Variants in KHDRBS3 observed in about 807,000 individuals in gnomAD.
KHDRBS3 encodes the protein KH domain-containing, RNA-binding, signal transduction-associated protein 3.
Under a neutral mutation model 45.6 loss-of-function variants are expected in KHDRBS3, and 23 were observed. The observed-to-expected ratio is 0.50, with a 90% CI of 0.36 to 0.72. The LOEUF (loss-of-function observed/expected upper bound fraction) is 0.72. Among genes scored for constraint, KHDRBS3 ranks in the 30% least tolerant of loss-of-function variants. The probability of loss-of-function intolerance (pLI) is 0.00; values close to 1 mark genes in which losing one functional copy is unlikely to be tolerated. For missense variants in KHDRBS3, 352 were observed against 424.8 expected, an observed-to-expected ratio of 0.83 and a Z score of 1.51; for synonymous variants, 162 against 156.5, an observed-to-expected ratio of 1.04 and a Z score of -0.26.
At chr8:135,644,952 G>T in intron 7 of KHDRBS3, 107 bp from the exon 8 acceptor site, 2 of 1,169,810 alleles carry the variant, frequency 1.7e-6, no homozygotes, top group South Asian at 1.4e-5. Flanking sequence ...TGAATTTTCA[G>T]TCTTGCCCTT....
At chr8:135,504,322 C>T (rs1156317926) in intron 1 of KHDRBS3, among the ~76,000 whole-genome samples, 1 of 152,068 alleles carries the variant, frequency 6.6e-6, no homozygotes, top group Non-Finnish European at 1.5e-5. Context: ...CAAAATAGCT[C>T]GTTTAAACGG....
At chr8:135,588,558 G>A (rs971416294) in intron 6 of KHDRBS3, among the ~76,000 whole-genome samples, 2 of 152,048 alleles carry the variant, frequency 1.3e-5, no homozygotes, top group Admixed American at 1.3e-4. Flanking sequence ...TTAATCACAG[G>A]GATGGTTCCC....
At chr8:135,651,578 A>C (rs2131219628), downstream of KHDRBS3, among the ~76,000 whole-genome samples, 1 of 152,230 alleles carries the variant, frequency 6.6e-6, no homozygotes, top group African/African-American at 2.4e-5. Flanking sequence ...ACCATTTTCA[A>C]GTGTAGTATC....
chr8:135,479,596 A>G (rs1232772598), intron 1 of KHDRBS3, among the ~76,000 whole-genome samples: 2 of 152,182 alleles, frequency 1.3e-5, no homozygotes, highest in African/African-American at 4.8e-5. Flanking sequence ...GGCACCTTCT[A>G]TGTGTCCTCA....
At chr8:135,633,173 T>C (rs1830675961) in intron 7 of KHDRBS3, among the ~76,000 whole-genome samples, 1 of 152,228 alleles carries the variant, frequency 6.6e-6, no homozygotes, top group African/African-American at 2.4e-5. Context: ...TTATTAAATA[T>C]GTTTTAAATA....
At chr8:135,577,181 T>G (rs1282160021) in intron 5 of KHDRBS3, among the ~76,000 whole-genome samples, 1 of 152,126 alleles carries the variant, frequency 6.6e-6, no homozygotes, top group East Asian at 1.9e-4. Context: ...TTCAATAAAA[T>G]TGTTTTCATA....
At chr8:135,553,302 T>G (rs1435718979) in intron 4 of KHDRBS3, among the ~76,000 whole-genome samples, 4 of 152,170 alleles carry the variant, frequency 2.6e-5, no homozygotes, top group African/African-American at 7.2e-5. Context: ...GTTTTCAGAC[T>G]CCTAAAATGG....
downstream of KHDRBS3, among the ~76,000 whole-genome samples, chr8:135,648,365 A>G (rs936496912): frequency 5.3e-5 from 8 of 152,188 alleles, no homozygotes; most frequent in Non-Finnish European, 7.3e-5. Flanking sequence ...GTTATTTGTA[A>G]TACATTATTT....
intron 5 of KHDRBS3, among the ~76,000 whole-genome samples, chr8:135,566,199 A>G (rs1165495264): frequency 1.3e-5 from 2 of 152,170 alleles, no homozygotes; most frequent in Non-Finnish European, 2.9e-5. Flanking sequence ...GTTAATACCT[A>G]ACTCCCTCGA....
chr8:135,458,075 G>T, intron 1 of KHDRBS3, 121 bp downstream of exon 1: 1 of 1,393,366 alleles, frequency 7.2e-7, no homozygotes, highest in South Asian at 1.6e-5. Context: ...CGGAGGCCCG[G>T]GTGGCCCCCG....
At chr8:135,501,350 A>T (rs926599639) in intron 1 of KHDRBS3, among the ~76,000 whole-genome samples, 1 of 152,238 alleles carries the variant, frequency 6.6e-6, no homozygotes, top group Admixed American at 6.5e-5. Context: ...TTAAAAGGCT[A>T]CATAAAATAC....
chr8:135,568,833 A>G (rs1047421584), intron 5 of KHDRBS3, among the ~76,000 whole-genome samples: 2 of 152,166 alleles, frequency 1.3e-5, no homozygotes, highest in South Asian at 4.1e-4. Flanking sequence ...CAGCTTTTGA[A>G]TGATCATTTT....
At chr8:135,522,807 T>C (rs775447461) in intron 2 of KHDRBS3, among the ~76,000 whole-genome samples, 11 of 152,238 alleles carry the variant, frequency 7.2e-5, no homozygotes, top group Non-Finnish European at 1.2e-4. Flanking sequence ...CTTTTAGGTC[T>C]ATGATAGATC....
intron 2 of KHDRBS3, 84 bp from the exon 3 acceptor site, chr8:135,542,570 A>G (rs1663805544): frequency 1.2e-6 from 1 of 836,754 alleles, no homozygotes. Context: ...GATGTGTAGC[A>G]CACTACAGTG....
intron 2 of KHDRBS3, among the ~76,000 whole-genome samples, chr8:135,523,983 C>T (rs576407872): frequency 3.2e-4 from 48 of 151,914 alleles, no homozygotes; most frequent in African/African-American, 8.9e-4. Flanking sequence ...GTGCTGGATT[C>T]GGTTGCATCT....
intron 1 of KHDRBS3, among the ~76,000 whole-genome samples, chr8:135,506,112 T>C (rs1332957266): frequency 2.0e-5 from 3 of 152,216 alleles, no homozygotes; most frequent in Non-Finnish European, 2.9e-5. Flanking sequence ...CTTCCACTTT[T>C]GTTAATTCAA....
intron 5 of KHDRBS3, among the ~76,000 whole-genome samples, chr8:135,565,369 G>A (rs1250208373): frequency 1.3e-5 from 2 of 152,162 alleles, no homozygotes; most frequent in Non-Finnish European, 2.9e-5. Flanking sequence ...AAATTTTTGA[G>A]AGTTTTGTTT....
At chr8:135,470,766 A>G (rs960737179) in intron 1 of KHDRBS3, among the ~76,000 whole-genome samples, 2 of 151,960 alleles carry the variant, frequency 1.3e-5, no homozygotes, top group African/African-American at 4.8e-5. Context: ...TTGTAGTTTT[A>G]GTAGAGACGA....
intron 5 of KHDRBS3, among the ~76,000 whole-genome samples, chr8:135,573,627 G>T (rs955970003): frequency 6.6e-6 from 1 of 152,208 alleles, no homozygotes; most frequent in Non-Finnish European, 1.5e-5. Flanking sequence ...TAATGTGTTG[G>T]AACCCAAAGT....
Sources: gnomAD v4.1 joint callset for allele counts (sites outside exome capture counted in the v4.1 genomes callset) on GRCh38, gnomAD v4.1.1 for gene constraint, MANE v1.5 for transcripts, NCBI Gene and HGNC (gene_info 2026-07-23, HGNC 2026-07-21) for gene names.